TDG: variants seen among roughly 807,000 people sequenced by gnomAD.
TDG encodes G/T mismatch-specific thymine DNA glycosylase.
Under a neutral mutation model 46.1 loss-of-function variants are expected in TDG, and 23 were observed. The ratio of observed to expected loss-of-function variants is 0.50; its 90% CI spans 0.36 to 0.71. TDG has a LOEUF of 0.71. TDG is among the 30% of genes least tolerant of loss of function. The probability of loss-of-function intolerance (pLI) is 0.00; values close to 1 mark genes in which losing one functional copy is unlikely to be tolerated. For synonymous variants in TDG, 115 were observed against 161.3 expected (o/e 0.71, Z 2.18); for missense variants, 304 against 486.7 (o/e 0.62, Z 3.53).
intron 1 of TDG, among the ~76,000 whole-genome samples, chr12:103,968,418 C>T (rs1593506230): frequency 6.6e-6 from 1 of 152,224 alleles, no homozygotes; most frequent in East Asian, 1.9e-4. Context: ...TAGATGTTGA[C>T]AACAAGAAGA....
Position 103,965,911 on chromosome 12 carries a change from G to T in TDG, c.-127G>T, listed in dbSNP as rs1369325077. 3 of 1,416,588 alleles carry T rather than the reference G, an allele frequency of 2.1e-6. No individual in the cohort carries two copies. The highest frequency in any genetic ancestry group is 2.5e-5 in the East Asian group (1 of 40,196). 87.8% of individuals were successfully genotyped at this position (1,416,588 alleles called of 1,614,324 possible). A position where few individuals can be genotyped will look rare whatever the true frequency, so the allele number is the denominator to read the frequency against. ...GGAGCTTGAGTCCAGCCACTGTCTGGGTACTGCCAGCCATCGGGCCCAGGT... is the reference window on the plus strand; with the variant it reads ...GGAGCTTGAGTCCAGCCACTGTCTGTGTACTGCCAGCCATCGGGCCCAGGT... On this transcript the variant is annotated 5_prime_UTR_variant, in exon 1 of 10. Transcript: ENST00000392872.
intron 4 of TDG, among the ~76,000 whole-genome samples, chr12:103,982,118 T>G (rs1871870983): frequency 6.6e-6 from 1 of 152,236 alleles, no homozygotes; most frequent in African/African-American, 2.4e-5. Context: ...TTATACTGCC[T>G]AATAGATCAG....
intron 9 of TDG, among the ~76,000 whole-genome samples, chr12:103,985,939 A>G (rs1872132905): frequency 1.3e-5 from 2 of 152,128 alleles, no homozygotes; most frequent in Admixed American, 6.5e-5. Flanking sequence ...TTTGTTTTTG[A>G]GACAGATTCT....
At chr12:103,966,890 C>A (rs577162328) in intron 1 of TDG, among the ~76,000 whole-genome samples, 1 of 152,116 alleles carries the variant, frequency 6.6e-6, no homozygotes, top group Non-Finnish European at 1.5e-5. Flanking sequence ...TGGGCCTGTT[C>A]ATGTCTGTAA....
chr12:103,977,195 T>C, intron 2 of TDG, 135 bp downstream of exon 2: 3 of 1,212,452 alleles, frequency 2.5e-6, no homozygotes, highest in Non-Finnish European at 3.4e-6. Context: ...TAGTATGTGC[T>C]AAGCACTGAT....
chr12:103,967,376 C>T (rs906258610), intron 1 of TDG, among the ~76,000 whole-genome samples: 1 of 151,952 alleles, frequency 6.6e-6, no homozygotes, highest in Non-Finnish European at 1.5e-5. Context: ...CCCAGGTAAT[C>T]CTTAAGAGAG....
chr12:103,971,050 A>G (rs1272390524), intron 1 of TDG, among the ~76,000 whole-genome samples: 2 of 152,246 alleles, frequency 1.3e-5, no homozygotes, highest in Non-Finnish European at 2.9e-5. Flanking sequence ...TGTAAAGATT[A>G]TCTAAAGTAT....
chr12:103,973,477 C>T (rs565209778), intron 1 of TDG, among the ~76,000 whole-genome samples: 2 of 152,280 alleles, frequency 1.3e-5, no homozygotes, highest in South Asian at 2.1e-4. Flanking sequence ...ATTAGAATCT[C>T]GGGAAGCTGC....
chr12:103,988,319 C>G lies in TDG; in HGVS notation c.*1229C>G, dbSNP rs1294330546. ...TATAAAATATTTATGAGGTCTCCCC[C>G]ACCCCCAGGAGGTTATATGATTGCT... is the stretch of plus-strand genomic sequence containing the variant. On this transcript the variant is annotated 3_prime_UTR_variant, in exon 10 of 10. Coordinates refer to ENST00000392872, the MANE Select transcript of TDG (RefSeq NM_003211.6). 2 of 152,782 alleles carry G rather than the reference C, an allele frequency of 1.3e-5. No individual in the cohort carries two copies. The highest frequency in any genetic ancestry group is 1.9e-4 in the East Asian group (1 of 5,194). The allele number at this position is 152,782 out of a possible 1,614,324, so 9.5% of individuals were successfully genotyped here.
intron 8 of TDG, among the ~76,000 whole-genome samples, 156 bp downstream of exon 8, chr12:103,985,076 T>TAC (rs1478227471): frequency 7.5e-6 from 1 of 133,158 alleles, no homozygotes; most frequent in Non-Finnish European, 1.7e-5. Context: ...TATATATACA[T>TAC]ATATACACAT....
At position 103,980,961 on chromosome 12, in the gene TDG, T is replaced by C; in HGVS notation, c.477T>C (p.Phe159=). ...ATTACCCTGGACCTGGAAACCATTT[T>C]TGTAAGTGGTTACCTTTTAAATTAA... ...GHHYPGPGNH[F]WKCLFMSGLS... is the part of the protein sequence containing the mutation. The change falls in exon 4 of 10, where the codon TTT becomes TTC. Residue 159 remains phenylalanine, a splice_region_variant and synonymous_variant. Transcript: ENST00000392872. The C allele has an allele frequency of 6.2e-7, 1 of 1,611,842 alleles. No homozygotes were observed. The highest frequency in any genetic ancestry group is 8.5e-7 in the Non-Finnish European group (1 of 1,179,432).
chr12:103,968,678 G>A (rs1194351222), intron 1 of TDG, among the ~76,000 whole-genome samples: 1 of 152,206 alleles, frequency 6.6e-6, no homozygotes. Context: ...TCAAGGGAGA[G>A]GCCAGATTAA....
At chr12:103,976,783 A>G in intron 1 of TDG, 135 bp from the exon 2 acceptor site, 1 of 1,071,212 alleles carries the variant, frequency 9.3e-7, no homozygotes, top group Non-Finnish European at 1.3e-6. Context: ...TCTCCTCTGT[A>G]ATCCACTCTA....
chr12:103,983,036 C>G (rs1168902698), intron 5 of TDG, 100 bp from the exon 6 acceptor site: 2 of 1,566,184 alleles, frequency 1.3e-6, no homozygotes, highest in Non-Finnish European at 8.6e-7. Context: ...CTGAGCTCAA[C>G]AAATGTACAA....
At chr12:103,977,386 G>A (rs537032678) in intron 2 of TDG, among the ~76,000 whole-genome samples, 9 of 152,284 alleles carry the variant, frequency 5.9e-5, no homozygotes, top group Admixed American at 3.3e-4. Flanking sequence ...CTCAGAGGCT[G>A]CTTCCCAGAG....
At chr12:103,966,148 T>G in intron 1 of TDG, 88 bp downstream of exon 1, 1 of 1,395,378 alleles carries the variant, frequency 7.2e-7, no homozygotes, top group Middle Eastern at 2.0e-4. Flanking sequence ...CAGGGGTCTT[T>G]TAAATCCCGG....
intron 9 of TDG, 131 bp downstream of exon 9, chr12:103,985,859 T>C: frequency 9.8e-7 from 1 of 1,016,610 alleles, no homozygotes; most frequent in East Asian, 2.9e-5. Flanking sequence ...TAGTGACTAA[T>C]AGTGAAAAAT....
intron 1 of TDG, among the ~76,000 whole-genome samples, chr12:103,972,124 C>T (rs1262072564): frequency 6.6e-6 from 1 of 151,702 alleles, no homozygotes; most frequent in African/African-American, 2.4e-5. Flanking sequence ...ATCCAGAACC[C>T]CCCTTTTTTT....
At position 103,984,886 on chromosome 12, in the gene TDG, G is replaced by A. The variant is rs140299122; in HGVS notation, c.930G>A (p.Glu310=). ...KGIERNMDVQ[E]VQYTFDLQLA... ...TTGAACGAAATATGGACGTTCAAGA[G>A]GTGCAATATACATTTGACCTACAGC... The change falls in exon 8 of 10, where the codon GAG becomes GAA. Residue 310 remains glutamate (E), a synonymous_variant. Transcript: ENST00000392872. 7.9e-4 allele frequency: 1,273 copies of A among 1,612,280 alleles called. No homozygotes were observed. The East Asian group carries it at 0.028, about 35-fold the overall frequency.
Sources: allele counts gnomAD v4.1 joint callset (sites outside exome capture counted in the v4.1 genomes callset), GRCh38; gene constraint gnomAD v4.1.1; transcripts MANE v1.5; gene names NCBI Gene and HGNC (gene_info 2026-07-23, HGNC 2026-07-21).